Variants in FHIT observed in about 807,000 individuals in gnomAD.
The protein encoded by FHIT is bis(5'-adenosyl)-triphosphatase.
Under a neutral mutation model 17.9 loss-of-function variants are expected in FHIT, and 19 were observed. The observed-to-expected ratio is 1.06, with a 90% confidence interval of 0.74 to 1.56. The LOEUF is 1.56. Among genes scored for constraint, FHIT ranks in the 40% most tolerant of loss-of-function variants. The probability of loss-of-function intolerance (pLI) is 0.00; values close to 1 mark genes in which losing one functional copy is unlikely to be tolerated. For missense variants in FHIT, 248 were observed against 189.2 expected (o/e 1.31, Z -1.82); for synonymous variants, 81 against 69.7 (o/e 1.16, Z -0.81).
At chr3:60,128,713 G>A (rs1408426317) in intron 5 of FHIT, among the ~76,000 whole-genome samples, 2 of 152,142 alleles carry the variant, frequency 1.3e-5, no homozygotes, top group African/African-American at 2.4e-5. Context: ...AAAGAGTGCT[G>A]GGATTGATTA....
intron 4 of FHIT, among the ~76,000 whole-genome samples, chr3:60,714,773 T>A (rs1279432922): frequency 8.6e-5 from 13 of 152,044 alleles, no homozygotes; most frequent in East Asian, 1.9e-4. Flanking sequence ...CACTGCTCAA[T>A]GAAATAAAAG....
At chr3:60,531,426 C>A (rs1318023318) in intron 5 of FHIT, among the ~76,000 whole-genome samples, 1 of 151,724 alleles carries the variant, frequency 6.6e-6, no homozygotes, top group Non-Finnish European at 1.5e-5. Flanking sequence ...CTACAGGCGC[C>A]CGCTACCACG....
Position 60,569,755 on chromosome 3 carries a change from A to ATATATATATATATTTT in FHIT, c.-17-32777_-17-32776insAAAATATATATATATA. Among the ~76,000 whole-genome samples the ATATATATATATATTTT allele has an allele frequency of 4.2e-3, 325 of 77,318 alleles. 4 individuals carry two copies. Among genetic ancestry groups the ATATATATATATATTTT allele is most frequent in the East Asian group, 9.0e-3 (17 of 1,892 alleles). The allele number at this position is 77,318 out of a possible 152,430, so 50.7% of individuals were successfully genotyped here. On this transcript the variant is annotated intron_variant, in intron 4 of 9. Transcript: ENST00000492590. Reference sequence around the variant, plus strand: ...TATATATATATATATATATATATATATTTTTTTTTTTTTTAGACAGAGTTT... The same window carrying ATATATATATATATTTT: ...TATATATATATATATATATATATATATATATATATATATTTTTTTTTTTTTTTTTTAGACAGAGTTT...
chr3:60,339,939 G>A (rs1710434036), intron 5 of FHIT, among the ~76,000 whole-genome samples: 1 of 152,114 alleles, frequency 6.6e-6, no homozygotes, highest in Non-Finnish European at 1.5e-5. Context: ...GATTCTGAAA[G>A]TTGCCAATCA....
chr3:60,177,146 A>G (rs1173172880), intron 5 of FHIT, among the ~76,000 whole-genome samples: 2 of 152,158 alleles, frequency 1.3e-5, no homozygotes, highest in Admixed American at 1.3e-4. Flanking sequence ...ACCACAAATT[A>G]CACACATGCT....
At chr3:60,436,388 CAT>C in intron 5 of FHIT, among the ~76,000 whole-genome samples, 1 of 152,064 alleles carries the variant, frequency 6.6e-6, no homozygotes, top group Non-Finnish European at 1.5e-5. Context: ...CAATGATAGG[CAT>C]TCAGATTGAG....
At chr3:60,828,286 T>A (rs1702196546) in intron 3 of FHIT, among the ~76,000 whole-genome samples, 1 of 152,218 alleles carries the variant, frequency 6.6e-6, no homozygotes, top group Non-Finnish European at 1.5e-5. Flanking sequence ...CATAACCATT[T>A]TAACATTATC....
rs564698193 is a variant in FHIT at position 59,827,130 on chromosome 3, A to G, written c.349-74809T>C. Among the ~76,000 whole-genome samples, 24 of 152,318 alleles carry G rather than the reference A, an allele frequency of 1.6e-4. No individual in the cohort carries two copies. In the South Asian group the frequency reaches 4.1e-3, roughly 26 times the overall value. ...ATGCAGTGTCCATTTTATAGCACAAATGGTACCCCACCCACTAAGGCTGTG... is the reference window on the plus strand; with the variant it reads ...ATGCAGTGTCCATTTTATAGCACAAGTGGTACCCCACCCACTAAGGCTGTG... On this transcript the variant is annotated intron_variant, in intron 8 of 9. Transcript: ENST00000492590.
chr3:60,204,440 T>A (rs925830387), intron 5 of FHIT, among the ~76,000 whole-genome samples: 1 of 41,330 alleles, frequency 2.4e-5, no homozygotes, highest in African/African-American at 6.5e-5. Flanking sequence ...CAGCTAATAT[T>A]CTGGTTTTTT....
chr3:60,925,921 A>G lies in FHIT; in HGVS notation c.-110-103910T>C, dbSNP rs528934079. 1.7e-3 allele frequency among the ~76,000 whole-genome samples: 257 copies of G among 152,358 alleles called. 1 individual carries two copies. The highest frequency in any genetic ancestry group is 5.9e-3 in the African/African-American group (245 of 41,574). Reference sequence around the variant, plus strand: ...GGGTTGCAATCCTAGTCTCTGATAAACAGACTTTAAACCAACAAAGATCAA... The same window carrying G: ...GGGTTGCAATCCTAGTCTCTGATAAGCAGACTTTAAACCAACAAAGATCAA... On this transcript the variant is annotated intron_variant, in intron 3 of 9. Transcript: ENST00000492590.
At chr3:59,860,932 T>C (rs796299265) in intron 8 of FHIT, among the ~76,000 whole-genome samples, 6 of 152,262 alleles carry the variant, frequency 3.9e-5, no homozygotes, top group African/African-American at 9.6e-5. Flanking sequence ...CCCAGGTCCA[T>C]AGAACCCGAA....
intron 5 of FHIT, among the ~76,000 whole-genome samples, chr3:60,424,508 A>G (rs1372953786): frequency 6.6e-6 from 1 of 152,128 alleles, no homozygotes; most frequent in Non-Finnish European, 1.5e-5. Flanking sequence ...AAACTTCTAC[A>G]TCCTAAAGCT....
chr3:59,780,504 G>T (rs1702532530), intron 8 of FHIT, among the ~76,000 whole-genome samples: 1 of 152,146 alleles, frequency 6.6e-6, no homozygotes, highest in Non-Finnish European at 1.5e-5. Context: ...TTAATCCCTG[G>T]AGTTCCAGGG....
At chr3:60,460,345 C>T (rs781678243) in intron 5 of FHIT, among the ~76,000 whole-genome samples, 24 of 151,902 alleles carry the variant, frequency 1.6e-4, no homozygotes, top group Non-Finnish European at 3.4e-4. Context: ...GACTAATAAC[C>T]AACCATGGGA....
chr3:60,489,968 T>C (rs533776524), intron 5 of FHIT, among the ~76,000 whole-genome samples: 16 of 152,216 alleles, frequency 1.1e-4, no homozygotes. Flanking sequence ...ATGTACGACA[T>C]GACAGGCAGG....
intron 4 of FHIT, among the ~76,000 whole-genome samples, chr3:60,610,561 T>C (rs551589804): frequency 6.6e-6 from 1 of 152,284 alleles, no homozygotes; most frequent in Non-Finnish European, 1.5e-5. Flanking sequence ...TTTGAACAAC[T>C]TGACCTTATT....
chr3:60,738,697 A>G (rs2042181924), intron 4 of FHIT, among the ~76,000 whole-genome samples: 1 of 152,210 alleles, frequency 6.6e-6, no homozygotes, highest in Non-Finnish European at 1.5e-5. Context: ...GGATGCAGAT[A>G]ATAAACACAT....
rs151159511 is a variant in FHIT at position 60,467,505 on chromosome 3, T to A, written c.103+69355A>T. On this transcript the variant is annotated intron_variant, in intron 5 of 9. Coordinates refer to ENST00000492590, the MANE Select transcript of FHIT (RefSeq NM_002012.4). Reference sequence around the variant, plus strand: ...TACTGCTTTCACCATATCTCATAGGTTTTGATACATTGCGTTTCCATTTTC... The same window carrying A: ...TACTGCTTTCACCATATCTCATAGGATTTGATACATTGCGTTTCCATTTTC... Among the ~76,000 whole-genome samples, 220 of 152,130 alleles carry A rather than the reference T, an allele frequency of 1.4e-3. 5 individuals are homozygous for A. The East Asian group carries it at 0.015, about 11-fold the overall frequency.
At chr3:60,559,190 C>T (rs1327963189) in intron 4 of FHIT, among the ~76,000 whole-genome samples, 2 of 151,904 alleles carry the variant, frequency 1.3e-5, no homozygotes, top group Non-Finnish European at 1.5e-5. Flanking sequence ...TGTGTAAATC[C>T]ACAGCAGTAT....
Sources: allele counts gnomAD v4.1 joint callset (sites outside exome capture counted in the v4.1 genomes callset), GRCh38; gene constraint gnomAD v4.1.1; transcripts MANE v1.5; gene names NCBI Gene and HGNC (gene_info 2026-07-23, HGNC 2026-07-21).